Variants in AOAH observed in about 807,000 individuals in gnomAD.
AOAH encodes acyloxyacyl hydrolase (neutrophil).
A neutral mutation model predicts 92.2 loss-of-function variants in AOAH; 64 were observed. That is an observed-to-expected ratio of 0.69 (90% CI 0.57 to 0.86). AOAH has a LOEUF of 0.86. AOAH is among the 40% of genes least tolerant of loss of function. The probability of loss-of-function intolerance (pLI) is 0.00; values close to 1 mark genes in which losing one functional copy is unlikely to be tolerated. For synonymous variants in AOAH, 263 were observed against 254.5 expected, an observed-to-expected ratio of 1.03 and a Z score of -0.32; for missense variants, 656 against 694.6, an observed-to-expected ratio of 0.94 and a Z score of 0.62.
intron 1 of AOAH, among the ~76,000 whole-genome samples, chr7:36,702,930 C>T (rs1162628067): frequency 2.0e-5 from 3 of 152,168 alleles, no homozygotes; most frequent in Non-Finnish European, 4.4e-5. Context: ...AGTCAGTCCT[C>T]TAAAACCCTG....
intron 2 of AOAH, among the ~76,000 whole-genome samples, chr7:36,685,455 T>C (rs1796940573): frequency 6.6e-6 from 1 of 152,224 alleles, no homozygotes; most frequent in Non-Finnish European, 1.5e-5. Context: ...CTATGTTTCC[T>C]AGGGCATTCA....
At chr7:36,658,005 TATG>T (rs1763701876) in intron 4 of AOAH, among the ~76,000 whole-genome samples, 1 of 152,098 alleles carries the variant, frequency 6.6e-6, no homozygotes, top group Non-Finnish European at 1.5e-5. Flanking sequence ...CAGAAAATAT[TATG>T]ATATTATGAT....
intron 13 of AOAH, among the ~76,000 whole-genome samples, chr7:36,562,913 C>T (rs1787382523): frequency 1.3e-5 from 2 of 151,922 alleles, no homozygotes; most frequent in Non-Finnish European, 2.9e-5. Flanking sequence ...CTTTGGGAGG[C>T]CAAGGCAGGC....
At chr7:36,538,581 G>A (rs1358296744) in intron 16 of AOAH, among the ~76,000 whole-genome samples, 1 of 152,144 alleles carries the variant, frequency 6.6e-6, no homozygotes, top group Non-Finnish European at 1.5e-5. Flanking sequence ...AAACTTCCCT[G>A]CCCTCAGCTT....
At chr7:36,548,767 A>G (rs1785978449) in intron 14 of AOAH, 81 bp from the exon 15 acceptor site, 8 of 1,334,232 alleles carry the variant, frequency 6.0e-6, no homozygotes, top group Non-Finnish European at 8.6e-6. Flanking sequence ...TGGGCCTTTG[A>G]AAACAATCTT....
At position 36,594,374 on chromosome 7, in the gene AOAH, G is replaced by C. The variant is rs563162770; in HGVS notation, c.903C>G (p.Leu301=). The change falls in exon 12 of 21, where the codon CTC becomes CTG. Residue 301 remains leucine (L), a synonymous_variant. Transcript: ENST00000617537. ...ALTNELDWPQ[L]SGATGFLDST... is the part of the protein sequence containing the mutation. ...AGTCCAGAAATCCTGTAGCACCAGAGAGTTGGGGCCAGTCAAGCTCGTTGG... is the reference window on the plus strand; with the variant it reads ...AGTCCAGAAATCCTGTAGCACCAGACAGTTGGGGCCAGTCAAGCTCGTTGG... The C allele has an allele frequency of 1.4e-4, 220 of 1,614,114 alleles. 4 individuals are homozygous for C. In the South Asian group the frequency reaches 2.0e-3, roughly 14 times the overall value.
At chr7:36,697,716 T>C (rs1269904983) in intron 1 of AOAH, among the ~76,000 whole-genome samples, 1 of 152,188 alleles carries the variant, frequency 6.6e-6, no homozygotes, top group Non-Finnish European at 1.5e-5. Context: ...GACTTCAGAA[T>C]GTGCTTTATA....
At chr7:36,583,123 C>T (rs534651169) in intron 12 of AOAH, among the ~76,000 whole-genome samples, 2 of 152,246 alleles carry the variant, frequency 1.3e-5, no homozygotes, top group South Asian at 4.2e-4. Flanking sequence ...TCCAGAGGCA[C>T]AGCTTGCTTG....
chr7:36,575,089 G>C (rs1331295583), intron 13 of AOAH, among the ~76,000 whole-genome samples: 1 of 151,880 alleles, frequency 6.6e-6, no homozygotes, highest in Non-Finnish European at 1.5e-5. Context: ...GTTTCAGTAT[G>C]TCACTAAAGG....
At chr7:36,521,363 C>A (rs1047878565) in intron 20 of AOAH, among the ~76,000 whole-genome samples, 1 of 152,150 alleles carries the variant, frequency 6.6e-6, no homozygotes, top group Admixed American at 6.5e-5. Context: ...AAAGAAATGT[C>A]GTGAGCAAGT....
At chr7:36,609,383 A>T (rs1353083854) in intron 11 of AOAH, among the ~76,000 whole-genome samples, 1 of 152,148 alleles carries the variant, frequency 6.6e-6, no homozygotes, top group Non-Finnish European at 1.5e-5. Context: ...TTCTCAGTTT[A>T]AAACCCTTCA....
At chr7:36,531,265 T>C (rs184532752) in intron 18 of AOAH, among the ~76,000 whole-genome samples, 71 of 152,338 alleles carry the variant, frequency 4.7e-4, no homozygotes, top group African/African-American at 1.6e-3. Flanking sequence ...TATTGTTCTT[T>C]ATGCTTTTTT....
intron 12 of AOAH, among the ~76,000 whole-genome samples, chr7:36,578,156 C>A (rs1053855738): frequency 1.1e-4 from 16 of 152,070 alleles, no homozygotes; most frequent in African/African-American, 3.6e-4. Context: ...ATCAAAGCTA[C>A]CCATGCACAT....
At chr7:36,646,594 A>G (rs1794234566) in intron 4 of AOAH, among the ~76,000 whole-genome samples, 2 of 152,258 alleles carry the variant, frequency 1.3e-5, no homozygotes, top group Admixed American at 6.5e-5. Context: ...TAATGACCGT[A>G]AACGTAGTGG....
chr7:36,604,315 CTATTAT>C (rs765526363), intron 11 of AOAH, among the ~76,000 whole-genome samples: 2 of 152,052 alleles, frequency 1.3e-5, no homozygotes, highest in African/African-American at 4.8e-5. Context: ...TATTTGCTTT[CTATTAT>C]TATTATTAAT....
chr7:36,698,299 T>C (rs1329315977), intron 1 of AOAH, among the ~76,000 whole-genome samples: 1 of 152,190 alleles, frequency 6.6e-6, no homozygotes, highest in Non-Finnish European at 1.5e-5. Context: ...TTATTCTTGA[T>C]TTTGATGGTA....
chr7:36,702,929 T>C (rs757922222), intron 1 of AOAH, among the ~76,000 whole-genome samples: 1 of 152,196 alleles, frequency 6.6e-6, no homozygotes, highest in Non-Finnish European at 1.5e-5. Flanking sequence ...GAGTCAGTCC[T>C]CTAAAACCCT....
chr7:36,515,712 CACACCACACACCA>C (rs1783627273), intron 20 of AOAH, among the ~76,000 whole-genome samples: 1 of 117,786 alleles, frequency 8.5e-6, no homozygotes, highest in Non-Finnish European at 1.8e-5. Flanking sequence ...CACCCCCCCA[CACACCACACACCA>C]ACACCACACA....
intron 1 of AOAH, among the ~76,000 whole-genome samples, chr7:36,688,834 C>T (rs146963493): frequency 2.7e-3 from 369 of 137,296 alleles, no homozygotes; most frequent in African/African-American, 0.011. Context: ...TGTATATATA[C>T]ATATATATAT....
Sources: allele counts gnomAD v4.1 joint callset (sites outside exome capture counted in the v4.1 genomes callset), GRCh38; gene constraint gnomAD v4.1.1; transcripts MANE v1.5; gene names NCBI Gene and HGNC (gene_info 2026-07-23, HGNC 2026-07-21).